Variants in ERBB4 observed in about 807,000 individuals in gnomAD.
The protein encoded by ERBB4 is erb-b2 receptor tyrosine kinase 4, also known as receptor tyrosine-protein kinase erbB-4.
In ERBB4, 42 loss-of-function variants were observed where a neutral mutation model predicts 158.0. That is an observed-to-expected ratio of 0.27 (90% CI 0.21 to 0.34). The LOEUF (loss-of-function observed/expected upper bound fraction) is 0.34. Ranked by LOEUF, ERBB4 falls within the 10% of genes least tolerant of loss-of-function variation. The probability of loss-of-function intolerance (pLI) is 1.00; values close to 1 mark genes in which losing one functional copy is unlikely to be tolerated. For synonymous variants in ERBB4, 583 were observed against 558.7 expected, an observed-to-expected ratio of 1.04 and a Z score of -0.61; for missense variants, 1,333 against 1,624.1, an observed-to-expected ratio of 0.82 and a Z score of 3.08.
At chr2:212,055,891 G>A (rs556479819) in intron 2 of ERBB4, among the ~76,000 whole-genome samples, 51 of 152,350 alleles carry the variant, frequency 3.3e-4, no homozygotes, top group Non-Finnish European at 5.7e-4. Context: ...CCAAAGGAGC[G>A]CAGCTCCTCA....
intron 1 of ERBB4, among the ~76,000 whole-genome samples, chr2:212,203,454 C>A (rs2082646404): frequency 6.6e-6 from 1 of 152,212 alleles, no homozygotes; most frequent in Non-Finnish European, 1.5e-5. Flanking sequence ...AATGAAGGCC[C>A]AGGTCACGTA....
intron 4 of ERBB4, among the ~76,000 whole-genome samples, chr2:211,787,541 T>G (rs2076193125): frequency 6.6e-6 from 1 of 152,204 alleles, no homozygotes; most frequent in Non-Finnish European, 1.5e-5. Context: ...TGTTTGAAAT[T>G]ATCATAAAGT....
chr2:212,097,177 T>C (rs1443493780), intron 2 of ERBB4, among the ~76,000 whole-genome samples: 2 of 152,064 alleles, frequency 1.3e-5, no homozygotes, highest in Admixed American at 6.6e-5. Context: ...GGGGTTTTCA[T>C]GTAGGGACAA....
intron 3 of ERBB4, among the ~76,000 whole-genome samples, chr2:211,846,209 A>G (rs13400161): frequency 0.25 from 37,526 of 152,056 alleles, 5,629 homozygotes; most frequent in East Asian, 0.42. Flanking sequence ...CTTTAGGAAG[A>G]ATATTCAGAT....
chr2:211,486,446 T>C (rs1359143942), intron 20 of ERBB4, among the ~76,000 whole-genome samples: 1 of 152,118 alleles, frequency 6.6e-6, no homozygotes, highest in Non-Finnish European at 1.5e-5. Context: ...TTCTCAGTTG[T>C]AGAGCAACCT....
intron 1 of ERBB4, among the ~76,000 whole-genome samples, chr2:212,355,818 G>A (rs1007867634): frequency 6.6e-6 from 1 of 151,736 alleles, no homozygotes; most frequent in Non-Finnish European, 1.5e-5. Flanking sequence ...GTATGTGTGA[G>A]TGTGTATATA....
intron 2 of ERBB4, among the ~76,000 whole-genome samples, chr2:211,975,215 CA>C (rs1384999545): frequency 1.3e-5 from 2 of 152,112 alleles, no homozygotes; most frequent in African/African-American, 4.8e-5. Context: ...CTCCTGGGCT[CA>C]AGGGAGCTAT....
At chr2:211,720,172 T>G (rs2074048945) in intron 7 of ERBB4, among the ~76,000 whole-genome samples, 1 of 152,190 alleles carries the variant, frequency 6.6e-6, no homozygotes. Context: ...AGCATAATAA[T>G]TGGTAAGAAA....
intron 2 of ERBB4, among the ~76,000 whole-genome samples, chr2:211,956,092 G>A (rs998107482): frequency 6.6e-6 from 1 of 150,934 alleles, no homozygotes; most frequent in Non-Finnish European, 1.5e-5. Context: ...TATACAGGTA[G>A]GCTTATATTT....
intron 19 of ERBB4, 58 bp downstream of exon 19, chr2:211,619,119 T>C (rs2069497833): frequency 9.7e-7 from 1 of 1,026,104 alleles, no homozygotes; most frequent in Non-Finnish European, 1.6e-6. Context: ...GCTTTAATTA[T>C]CTAAGCAGGC....
intron 1 of ERBB4, among the ~76,000 whole-genome samples, chr2:212,240,074 T>C (rs935430649): frequency 6.6e-6 from 1 of 152,192 alleles, no homozygotes; most frequent in African/African-American, 2.4e-5. Context: ...TATTGTGAAA[T>C]CTTGTACTGA....
intron 1 of ERBB4, among the ~76,000 whole-genome samples, chr2:212,384,920 T>TATATATATATATACAC (rs764463489): frequency 3.2e-5 from 4 of 123,764 alleles, no homozygotes; most frequent in East Asian, 4.2e-4. Context: ...TATATATATA[T>TATATATATATATACAC]ACACACACAC....
intron 1 of ERBB4, among the ~76,000 whole-genome samples, chr2:212,301,514 A>C (rs1240421369): frequency 6.6e-6 from 1 of 151,398 alleles, no homozygotes; most frequent in Non-Finnish European, 1.5e-5. Flanking sequence ...TATTCAATCA[A>C]CTGATATTAA....
intron 1 of ERBB4, among the ~76,000 whole-genome samples, chr2:212,225,079 T>C (rs2083428545): frequency 6.6e-6 from 1 of 152,020 alleles, no homozygotes; most frequent in African/African-American, 2.4e-5. Flanking sequence ...TATTTTGGGT[T>C]TCTTTTAGAA....
At chr2:212,159,735 A>G (rs1405581270) in intron 1 of ERBB4, among the ~76,000 whole-genome samples, 1 of 152,008 alleles carries the variant, frequency 6.6e-6, no homozygotes, top group Non-Finnish European at 1.5e-5. Context: ...TTAGTAGATG[A>G]AATTAAAATC....
Position 212,535,223 on chromosome 2 carries a change from C to T in ERBB4, c.82+3226G>A, listed in dbSNP as rs569271654. Among the ~76,000 whole-genome samples the T allele has an allele frequency of 1.3e-3, 202 of 151,782 alleles. 5 individuals carry two copies. The highest frequency in any genetic ancestry group is 1.4e-3 in the Non-Finnish European group (98 of 67,934). ...GTGAAGAAAAAAATAACACCTTCTT[C>T]TAAAAAGCCCCCTTTTATATATATA... On this transcript the variant is annotated intron_variant, in intron 1 of 27. Coordinates refer to ENST00000342788, the MANE Select transcript of ERBB4 (RefSeq NM_005235.3).
At chr2:212,102,426 A>G (rs563795053) in intron 2 of ERBB4, among the ~76,000 whole-genome samples, 1 of 152,084 alleles carries the variant, frequency 6.6e-6, no homozygotes, top group Non-Finnish European at 1.5e-5. Flanking sequence ...TCATTTGTTG[A>G]TCATTTTCAT....
At chr2:211,957,477 T>C (rs1224688640) in intron 2 of ERBB4, among the ~76,000 whole-genome samples, 3 of 152,156 alleles carry the variant, frequency 2.0e-5, no homozygotes, top group Non-Finnish European at 2.9e-5. Flanking sequence ...TACTTTGTTA[T>C]GGCATTCCTA....
chr2:211,850,025 CA>C (rs776699435), intron 3 of ERBB4, among the ~76,000 whole-genome samples: 26 of 152,000 alleles, frequency 1.7e-4, no homozygotes, highest in Non-Finnish European at 3.2e-4. Context: ...CTGCAATTAT[CA>C]CACTGATGCT....
Sources: gnomAD v4.1 joint callset for allele counts (sites outside exome capture counted in the v4.1 genomes callset) on GRCh38, gnomAD v4.1.1 for gene constraint, MANE v1.5 for transcripts, NCBI Gene and HGNC (gene_info 2026-07-23, HGNC 2026-07-21) for gene names.